The following FOLH1 variants were observed in gnomAD, a reference collection of about 807,000 sequenced individuals.
FOLH1 encodes folate hydrolase 1.
FOLH1 carries 54 observed loss-of-function variants against 93.9 expected under a neutral mutation model. The observed-to-expected ratio is 0.57, with a 90% confidence interval of 0.46 to 0.72. The LOEUF (loss-of-function observed/expected upper bound fraction) is 0.72, where lower values mean the gene tolerates loss of function less well. Ranked by LOEUF, FOLH1 falls within the 30% of genes least tolerant of loss-of-function variation. FOLH1 has a pLI of 0.00. For synonymous variants in FOLH1, 249 were observed against 303.6 expected (o/e 0.82, Z 1.87); for missense variants, 571 against 892.5 (o/e 0.64, Z 4.59).
intron 3 of FOLH1, among the ~76,000 whole-genome samples, chr11:49,199,503 G>C (rs16906205): frequency 0.071 from 10,736 of 152,176 alleles, 431 homozygotes; most frequent in Middle Eastern, 0.11. Flanking sequence ...GATCAATTGA[G>C]ACATAATCAT....
At chr11:49,189,639 T>C (rs1302374949) in intron 4 of FOLH1, among the ~76,000 whole-genome samples, 3 of 152,166 alleles carry the variant, frequency 2.0e-5, no homozygotes. Context: ...CATAACCTCA[T>C]GGTAAGTTGA....
chr11:49,187,831 T>G (rs961389589), intron 4 of FOLH1, among the ~76,000 whole-genome samples: 2 of 152,220 alleles, frequency 1.3e-5, no homozygotes, highest in African/African-American at 4.8e-5. Flanking sequence ...CATGTCCCTT[T>G]CTAGAATGCC....
intron 11 of FOLH1, among the ~76,000 whole-genome samples, chr11:49,170,001 T>C (rs186273242): frequency 1.3e-5 from 2 of 152,196 alleles, no homozygotes; most frequent in African/African-American, 4.8e-5. Context: ...AATTCTTTCT[T>C]ATAAAACTTT....
intron 13 of FOLH1, among the ~76,000 whole-genome samples, chr11:49,163,476 C>T (rs1055809648): frequency 7.5e-6 from 1 of 133,084 alleles, no homozygotes; most frequent in Admixed American, 7.6e-5. Flanking sequence ...AAGATGGCAG[C>T]CCACCCCTCC....
At chr11:49,187,698 C>G (rs1019344761) in intron 4 of FOLH1, among the ~76,000 whole-genome samples, 1 of 152,096 alleles carries the variant, frequency 6.6e-6, no homozygotes. Flanking sequence ...GATGAGCTGT[C>G]CAGATTCACG....
chr11:49,206,480 A>G, intron 1 of FOLH1: 1 of 607,314 alleles, frequency 1.6e-6, no homozygotes. Context: ...TAATGTTTCA[A>G]CTAATGGGTG....
At position 49,208,497 on chromosome 11, in the gene FOLH1, T is replaced by C; in HGVS notation, c.-88A>G. 3 of 839,282 alleles carry C rather than the reference T, an allele frequency of 3.6e-6. No homozygotes were observed. Among genetic ancestry groups the C allele is most frequent in the Admixed American group, 2.7e-5 (1 of 36,788 alleles). 52.0% of individuals were successfully genotyped at this position (839,282 alleles called of 1,614,324 possible). A position where few individuals can be genotyped will look rare whatever the true frequency, so the allele number is the denominator to read the frequency against. ...CTCCAACCACCACGGCGGGGTAAAG[T>C]CTCTCTCAATCTCACTAATGCCTCG... On this transcript the variant is annotated 5_prime_UTR_variant, in exon 1 of 19. Coordinates refer to ENST00000256999, the MANE Select transcript of FOLH1 (RefSeq NM_004476.3).
chr11:49,198,496 C>A (rs1282820127), intron 3 of FOLH1, among the ~76,000 whole-genome samples: 20 of 133,026 alleles, frequency 1.5e-4, no homozygotes, highest in East Asian at 1.0e-3. Flanking sequence ...AAAACAAAAA[C>A]AAAAACTAAA....
intron 2 of FOLH1, among the ~76,000 whole-genome samples, chr11:49,205,242 A>T (rs1565221585): frequency 6.6e-6 from 1 of 152,004 alleles, no homozygotes; most frequent in South Asian, 2.1e-4. Context: ...AAAAAAAAAC[A>T]AGTATTCTAA....
At chr11:49,179,414 C>T (rs1242248068) in intron 7 of FOLH1, among the ~76,000 whole-genome samples, 1 of 152,050 alleles carries the variant, frequency 6.6e-6, no homozygotes, top group Non-Finnish European at 1.5e-5. Flanking sequence ...ACTAATCCAA[C>T]CACAATAAAA....
At chr11:49,181,463 A>G (rs1351538259) in intron 7 of FOLH1, among the ~76,000 whole-genome samples, 1 of 151,954 alleles carries the variant, frequency 6.6e-6, no homozygotes, top group Non-Finnish European at 1.5e-5. Flanking sequence ...TATAGTTTTG[A>G]AATTTGCTTT....
rs1393608203 is a variant in FOLH1, at chr11:49,164,694, T to C, written c.1440+11A>G. On this transcript the variant is annotated intron_variant, in intron 13 of 18. Transcript: ENST00000256999. ...AATTTGGGTTTTCTTAAATTATATG[T>C]AATTATATACCTCTTTTGTTAGGTT... The C allele has an allele frequency of 2.6e-6, 4 of 1,567,158 alleles. No individual in the cohort carries two copies. Among genetic ancestry groups the C allele is most frequent in the Non-Finnish European group, 3.5e-6 (4 of 1,146,028 alleles).
intron 4 of FOLH1, among the ~76,000 whole-genome samples, chr11:49,187,879 C>T (rs1464081609): frequency 6.6e-6 from 1 of 152,172 alleles, no homozygotes; most frequent in Non-Finnish European, 1.5e-5. Context: ...GGTACAGAGA[C>T]CTGGACATCT....
At chr11:49,180,504 TTA>T (rs1860594048) in intron 7 of FOLH1, among the ~76,000 whole-genome samples, 2 of 152,246 alleles carry the variant, frequency 1.3e-5, no homozygotes, top group Non-Finnish European at 2.9e-5. Flanking sequence ...TCTTCGGCCA[TTA>T]TATGACTTTA....
intron 15 of FOLH1, 64 bp downstream of exon 15, chr11:49,156,653 C>G: frequency 6.3e-7 from 1 of 1,599,312 alleles, no homozygotes; most frequent in Non-Finnish European, 8.5e-7. Flanking sequence ...TTTTTGGAGT[C>G]AGAATTATTT....
intron 1 of FOLH1, 105 bp downstream of exon 1, chr11:49,208,187 G>C: frequency 1.2e-6 from 1 of 840,274 alleles, no homozygotes; most frequent in Admixed American, 2.9e-5. Flanking sequence ...GCCGCCCCTG[G>C]GGAAGACCAG....
intron 4 of FOLH1, among the ~76,000 whole-genome samples, chr11:49,191,952 C>T (rs12574928): frequency 0.078 from 11,897 of 152,254 alleles, 487 homozygotes; most frequent in Middle Eastern, 0.12. Context: ...TGCCTGCCTC[C>T]GCACCCGGCC....
At chr11:49,203,330 C>G (rs1228119407) in intron 2 of FOLH1, among the ~76,000 whole-genome samples, 4 of 152,072 alleles carry the variant, frequency 2.6e-5, no homozygotes, top group Admixed American at 1.3e-4. Flanking sequence ...CACAGACAAC[C>G]CTGTACATCA....
intron 4 of FOLH1, among the ~76,000 whole-genome samples, chr11:49,191,171 C>T (rs1404182168): frequency 1.3e-5 from 2 of 152,104 alleles, no homozygotes; most frequent in Non-Finnish European, 2.9e-5. Context: ...GCCACCACTC[C>T]CGGCTAATTT....
Sources: gnomAD v4.1 joint callset for allele counts (sites outside exome capture counted in the v4.1 genomes callset) on GRCh38, gnomAD v4.1.1 for gene constraint, MANE v1.5 for transcripts, NCBI Gene and HGNC (gene_info 2026-07-23, HGNC 2026-07-21) for gene names.